The following SOX5 variants were observed in gnomAD, a reference collection of about 807,000 sequenced individuals.
The protein encoded by SOX5 is transcription factor SOX-5.
A neutral mutation model predicts 92.0 loss-of-function variants in SOX5; 9 were observed. The ratio of observed to expected loss-of-function variants is 0.10; its 90% confidence interval spans 0.06 to 0.17. The LOEUF (loss-of-function observed/expected upper bound fraction) is 0.17, where lower values mean the gene tolerates loss of function less well. Ranked by LOEUF, SOX5 falls within the 10% of genes least tolerant of loss-of-function variation. The pLI is 1.00. For synonymous variants in SOX5, 344 were observed against 336.3 expected (o/e 1.02, Z -0.25); for missense variants, 642 against 944.5 (o/e 0.68, Z 4.20).
intron 4 of SOX5, among the ~76,000 whole-genome samples, chr12:24,052,350 T>C (rs889021574): frequency 2.0e-5 from 3 of 152,344 alleles, no homozygotes; most frequent in South Asian, 4.1e-4. Context: ...TTAAGAAATA[T>C]TGCAACATGA....
chr12:24,358,266 A>T (rs1461411084), intron 2 of SOX5, among the ~76,000 whole-genome samples: 1 of 152,240 alleles, frequency 6.6e-6, no homozygotes, highest in Non-Finnish European at 1.5e-5. Context: ...CAAAATTGCT[A>T]AAACATAGCC....
At chr12:24,224,264 T>A (rs966242906) in intron 3 of SOX5, among the ~76,000 whole-genome samples, 33 of 152,180 alleles carry the variant, frequency 2.2e-4, no homozygotes, top group African/African-American at 8.0e-4. Flanking sequence ...TCTGCACAAC[T>A]AAAGCAATTT....
chr12:23,687,732 A>C (rs2087866231), intron 6 of SOX5, among the ~76,000 whole-genome samples: 1 of 151,926 alleles, frequency 6.6e-6, no homozygotes, highest in Non-Finnish European at 1.5e-5. Flanking sequence ...ACCTAAACAC[A>C]CTGAATAATG....
chr12:24,189,236 C>A (rs1005183482), intron 4 of SOX5, among the ~76,000 whole-genome samples: 7 of 152,184 alleles, frequency 4.6e-5, no homozygotes, highest in African/African-American at 1.7e-4. Flanking sequence ...TGGTGAAATA[C>A]TGGCCGTTCT....
At chr12:23,739,296 A>G (rs543237805) in intron 5 of SOX5, among the ~76,000 whole-genome samples, 2 of 152,228 alleles carry the variant, frequency 1.3e-5, no homozygotes, top group South Asian at 4.1e-4. Context: ...CTTACGTTGT[A>G]TTTACTACCA....
intron 3 of SOX5, among the ~76,000 whole-genome samples, chr12:24,234,320 A>T (rs1437373866): frequency 2.0e-5 from 3 of 152,188 alleles, no homozygotes; most frequent in East Asian, 1.9e-4. Context: ...TACAATTTTT[A>T]AAAAATTTCA....
At chr12:24,239,328 A>G (rs892644225) in intron 3 of SOX5, among the ~76,000 whole-genome samples, 1 of 152,254 alleles carries the variant, frequency 6.6e-6, no homozygotes, top group Non-Finnish European at 1.5e-5. Context: ...AAATTTCCTT[A>G]GAGATGACAA....
chr12:24,247,882 G>T (rs1939195647), intron 3 of SOX5, among the ~76,000 whole-genome samples: 1 of 151,956 alleles, frequency 6.6e-6, no homozygotes, highest in African/African-American at 2.4e-5. Context: ...TTGAACCCCT[G>T]ACCTCAAGTG....
intron 1 of SOX5, among the ~76,000 whole-genome samples, chr12:24,430,170 C>CT (rs1336109062): frequency 6.6e-6 from 1 of 152,100 alleles, no homozygotes; most frequent in Non-Finnish European, 1.5e-5. Context: ...ACGATGCTTC[C>CT]TTAAAGAAAG....
At chr12:24,335,707 T>C (rs1285996094) in intron 2 of SOX5, among the ~76,000 whole-genome samples, 1 of 152,092 alleles carries the variant, frequency 6.6e-6, no homozygotes, top group African/African-American at 2.4e-5. Context: ...AAGACAGTGC[T>C]GGCATTTTGA....
chr12:24,057,385 T>G (rs1222945369), intron 4 of SOX5, among the ~76,000 whole-genome samples: 2 of 152,232 alleles, frequency 1.3e-5, no homozygotes, highest in Non-Finnish European at 2.9e-5. Flanking sequence ...ATTTTTCCTA[T>G]GAAGAAACTC....
At chr12:23,759,525 A>G (rs2094506716) in intron 3 of SOX5, among the ~76,000 whole-genome samples, 1 of 152,066 alleles carries the variant, frequency 6.6e-6, no homozygotes, top group African/African-American at 2.4e-5. Context: ...TCAATACTCT[A>G]CTAACTGCTA....
chr12:24,334,758 C>G (rs974986801), intron 2 of SOX5, among the ~76,000 whole-genome samples: 1 of 151,984 alleles, frequency 6.6e-6, no homozygotes, highest in Non-Finnish European at 1.5e-5. Flanking sequence ...GAAGAATGGC[C>G]AAATCAGTAC....
chr12:23,838,712 G>T (rs952096073), intron 3 of SOX5, among the ~76,000 whole-genome samples: 1 of 151,958 alleles, frequency 6.6e-6, no homozygotes, highest in African/African-American at 2.4e-5. Context: ...CTCATGTTCA[G>T]GTACAATAGT....
intron 10 of SOX5, among the ~76,000 whole-genome samples, chr12:23,567,334 A>G (rs1947304692): frequency 6.6e-6 from 1 of 152,194 alleles, no homozygotes; most frequent in Non-Finnish European, 1.5e-5. Context: ...GAGGAAAATG[A>G]GATGGCAAAG....
chr12:24,235,662 C>T (rs1442149821), intron 3 of SOX5, among the ~76,000 whole-genome samples: 1 of 152,072 alleles, frequency 6.6e-6, no homozygotes, highest in Admixed American at 6.5e-5. Flanking sequence ...ATTATATGAA[C>T]TTAATTTTTT....
intron 2 of SOX5, among the ~76,000 whole-genome samples, chr12:24,284,577 T>G (rs538235103): frequency 1.2e-4 from 18 of 152,164 alleles, no homozygotes; most frequent in Non-Finnish European, 2.1e-4. Context: ...CTATGAACCT[T>G]CTGCTATTTG....
intron 1 of SOX5, among the ~76,000 whole-genome samples, chr12:24,387,616 C>A (rs886158310): frequency 6.6e-6 from 1 of 152,140 alleles, no homozygotes; most frequent in East Asian, 1.9e-4. Flanking sequence ...AAAAGACACA[C>A]AAGCTTCTCT....
intron 1 of SOX5, among the ~76,000 whole-genome samples, chr12:24,493,273 A>G (rs937725851): frequency 1.3e-5 from 2 of 152,186 alleles, no homozygotes; most frequent in African/African-American, 4.8e-5. Context: ...AAAATATTCA[A>G]AACTGTCAAG....
Sources: gnomAD v4.1 joint callset for allele counts (sites outside exome capture counted in the v4.1 genomes callset) on GRCh38, gnomAD v4.1.1 for gene constraint, MANE v1.5 for transcripts, NCBI Gene and HGNC (gene_info 2026-07-23, HGNC 2026-07-21) for gene names.